Variants in TFB1M observed in about 807,000 individuals in gnomAD.
TFB1M encodes transcription factor B1, mitochondrial.
A neutral mutation model predicts 31.1 loss-of-function variants in TFB1M; 27 were observed. The ratio of observed to expected loss-of-function variants is 0.87; its 90% CI spans 0.64 to 1.20. The LOEUF is 1.20. Among genes scored for constraint, TFB1M ranks in the 50% most tolerant of loss-of-function variants. The probability of loss-of-function intolerance (pLI) is 0.00; values close to 1 mark genes in which losing one functional copy is unlikely to be tolerated. For missense variants in TFB1M, 394 were observed against 418.7 expected (o/e 0.94, Z 0.51); for synonymous variants, 166 against 151.8 (o/e 1.09, Z -0.69).
the TFB1M span, chr6:155,245,728 C>T: frequency 6.6e-6 from 10 of 1,506,916 alleles, no homozygotes; most frequent in African/African-American, 4.3e-5. Flanking sequence ...GGTTCTGGAG[C>T]GAGGTAAGTT....
At chr6:155,252,979 C>T (rs150406978), downstream of TFB1M, 5 of 1,614,242 alleles carry the variant, frequency 3.1e-6, no homozygotes, top group Non-Finnish European at 3.4e-6. Flanking sequence ...CACAACTCTA[C>T]TGACTTGGAC....
chr6:155,257,444 G>C lies in TFB1M; in HGVS notation c.*392C>G, dbSNP rs1219731209. The C allele has an allele frequency of 5.9e-6, 2 of 338,680 alleles. No individual in the cohort carries two copies. Among genetic ancestry groups the C allele is most frequent in the Non-Finnish European group, 5.4e-6 (1 of 186,744 alleles). 21.0% of individuals were successfully genotyped at this position (338,680 alleles called of 1,614,324 possible). A position where few individuals can be genotyped will look rare whatever the true frequency, so the allele number is the denominator to read the frequency against. ...AAGGCTGGGGAAGTCGTGATTAATA[G>C]TTTTCAAAGGGCCATTTTTTAAAAT... On this transcript the variant is annotated 3_prime_UTR_variant, in exon 7 of 7. Transcript: ENST00000367166.
Position 155,305,196 on chromosome 6 carries a change from TTA to T in TFB1M, c.285+5990_285+5991del, listed in dbSNP as rs1215427781. Among the ~76,000 whole-genome samples the T allele has an allele frequency of 5.5e-4, 38 of 68,912 alleles. 2 individuals are homozygous for T. Among genetic ancestry groups the T allele is most frequent in the Middle Eastern group, 7.8e-3 (1 of 128 alleles). 45.2% of individuals were successfully genotyped at this position (68,912 alleles called of 152,430 possible). A position where few individuals can be genotyped will look rare whatever the true frequency, so the allele number is the denominator to read the frequency against. Reference sequence around the variant, plus strand: ...TTTATATATATATTAAATTATATATTTATATATATATTAAATTATATATTTAT... The same window carrying T: ...TTTATATATATATTAAATTATATATTTATATATATTAAATTATATATTTAT... On this transcript the variant is annotated intron_variant, in intron 2 of 6. Transcript: ENST00000367166.
chr6:155,260,421 T>C (rs773337968), intron 5 of TFB1M, 21 bp from the exon 6 acceptor site: 1 of 1,614,168 alleles, frequency 6.2e-7, no homozygotes, highest in Non-Finnish European at 8.5e-7. Context: ...AGCAAACATA[T>C]TATCATTCTG....
intron 2 of TFB1M, among the ~76,000 whole-genome samples, chr6:155,301,070 G>GC: frequency 6.6e-6 from 1 of 152,278 alleles, no homozygotes; most frequent in South Asian, 2.1e-4. Flanking sequence ...CTCCCAAAGT[G>GC]CTGGGATTAC....
chr6:155,297,457 G>A (rs187773796), intron 3 of TFB1M, among the ~76,000 whole-genome samples: 155 of 152,242 alleles, frequency 1.0e-3, no homozygotes, highest in South Asian at 2.1e-3. Flanking sequence ...AGCTGTCAGA[G>A]GTCAGATGCC....
the TFB1M span, among the ~76,000 whole-genome samples, chr6:155,233,996 T>A: frequency 0.013 from 1,247 of 96,094 alleles, 19 homozygotes; most frequent in African/African-American, 0.04. Context: ...TGAGAGAAAA[T>A]TTTTTTTGGG....
At chr6:155,286,792 C>A (rs1440365424) in intron 4 of TFB1M, among the ~76,000 whole-genome samples, 3 of 151,470 alleles carry the variant, frequency 2.0e-5, no homozygotes, top group Non-Finnish European at 4.4e-5. Flanking sequence ...GCCTGGGCAA[C>A]AGAGCAAGAC....
intron 5 of TFB1M, among the ~76,000 whole-genome samples, chr6:155,268,810 G>T (rs928681501): frequency 8.0e-5 from 12 of 150,722 alleles, no homozygotes; most frequent in African/African-American, 2.9e-4. Flanking sequence ...CACAAACACT[G>T]CGGAAGGCCG....
Position 155,314,352 on chromosome 6 carries a change from C to A in TFB1M, c.77G>T (p.Arg26Ile), listed in dbSNP as rs778393174. 5.0e-6 allele frequency: 8 copies of A among 1,614,238 alleles called. No individual in the cohort carries two copies. The Admixed American group carries it at 1.3e-4, about 27-fold the overall frequency. Residue 26 changes from arginine (R) to isoleucine (I), a missense_variant, in exon 1 of 7, where the codon AGA becomes ATA. Coordinates refer to ENST00000367166, the MANE Select transcript of TFB1M (RefSeq NM_016020.4). ...PTIREIIKLL[R>I]LQAAKQLSQN... The stretch of plus-strand genomic sequence containing the variant: ...TGATAGCTGCTTCGCTGCTTGCAGT[C>A]TTAACAACTTAATGATTTCTCGAAT...
At chr6:155,289,219 A>T (rs1477973913) in intron 4 of TFB1M, among the ~76,000 whole-genome samples, 1 of 152,110 alleles carries the variant, frequency 6.6e-6, no homozygotes, top group Non-Finnish European at 1.5e-5. Context: ...GGATGTGCTC[A>T]TCAACAGCCA....
chr6:155,291,512 A>G (rs1776923564), intron 4 of TFB1M, among the ~76,000 whole-genome samples: 1 of 152,220 alleles, frequency 6.6e-6, no homozygotes, highest in African/African-American at 2.4e-5. Context: ...CAAACATGCA[A>G]CGGTCCTACG....
At chr6:155,243,033 A>G in the TFB1M span, among the ~76,000 whole-genome samples, 12,510 of 151,820 alleles carry the variant, frequency 0.082, 599 homozygotes, top group Non-Finnish European at 0.1. Flanking sequence ...ATGAGACACC[A>G]TGCCTGGCTT....
chr6:155,258,266 A>G (rs3822964), intron 6 of TFB1M, among the ~76,000 whole-genome samples, 184 bp from the exon 7 acceptor site: 67,301 of 152,118 alleles, frequency 0.44, 15,668 homozygotes, highest in East Asian at 0.8. Context: ...CCACTGAGGC[A>G]GCTCTAACCT....
intron 5 of TFB1M, among the ~76,000 whole-genome samples, chr6:155,282,767 A>G (rs1360132209): frequency 1.3e-5 from 2 of 151,062 alleles, no homozygotes; most frequent in African/African-American, 2.4e-5. Context: ...TCGCTCTGTC[A>G]CCCAGGCTGG....
the TFB1M span, among the ~76,000 whole-genome samples, chr6:155,241,156 G>A: frequency 5.9e-5 from 9 of 152,188 alleles, no homozygotes; most frequent in East Asian, 1.9e-4. Context: ...GAACTGGGAC[G>A]CACACACTGG....
In TFB1M at chr6:155,256,779, C is replaced by T. The variant is rs41284228; in HGVS notation, c.*1057G>A. On this transcript the variant is annotated 3_prime_UTR_variant, in exon 7 of 7. Transcript: ENST00000367166. ...AGCAGGGCAGCCCTACTAAAGACAT[C>T]GAAATTCAGTTCCAGAGACTGAGGA... 0.014 allele frequency: 22,530 copies of T among 1,614,176 alleles called. 276 individuals are homozygous for T. Among genetic ancestry groups the T allele is most frequent in the Non-Finnish European group, 0.015 (17,305 of 1,180,034 alleles).
At chr6:155,279,154 T>C (rs965080556) in intron 5 of TFB1M, among the ~76,000 whole-genome samples, 2 of 152,088 alleles carry the variant, frequency 1.3e-5, no homozygotes, top group Admixed American at 6.6e-5. Context: ...AATATACTTA[T>C]TCATTCTTCT....
intron 2 of TFB1M, 88 bp downstream of exon 2, chr6:155,311,100 T>A: frequency 6.9e-7 from 1 of 1,456,676 alleles, no homozygotes; most frequent in Non-Finnish European, 9.6e-7. Context: ...ACCTACATAA[T>A]CTTTGGATAC....
Sources: allele counts gnomAD v4.1 joint callset (sites outside exome capture counted in the v4.1 genomes callset), GRCh38; gene constraint gnomAD v4.1.1; transcripts MANE v1.5; gene names NCBI Gene and HGNC (gene_info 2026-07-23, HGNC 2026-07-21).